The following CEP152 variants were observed in gnomAD, a reference collection of about 807,000 sequenced individuals.
The protein encoded by CEP152 is centrosomal protein 152.
A neutral mutation model predicts 188.9 loss-of-function variants in CEP152; 132 were observed. That is an observed-to-expected ratio of 0.70 (90% CI 0.61 to 0.81). CEP152 has a LOEUF of 0.81. Ranked by LOEUF, CEP152 falls within the 30% of genes least tolerant of loss-of-function variation. The pLI, the probability that CEP152 is intolerant of heterozygous loss-of-function variation, is 0.00. For missense variants in CEP152, 1,914 were observed against 1,969.8 expected (o/e 0.97, Z 0.54); for synonymous variants, 649 against 666.6 (o/e 0.97, Z 0.41).
At chr15:48,730,303 A>G (rs963158851) in intron 2 of CEP152, among the ~76,000 whole-genome samples, 1 of 152,206 alleles carries the variant, frequency 6.6e-6, no homozygotes, top group African/African-American at 2.4e-5. Context: ...TAAAAACAGT[A>G]AAGTTAGAGG....
At chr15:48,779,413 G>C (rs903204981) in intron 12 of CEP152, among the ~76,000 whole-genome samples, 1 of 152,216 alleles carries the variant, frequency 6.6e-6, no homozygotes, top group African/African-American at 2.4e-5. Flanking sequence ...CATTTACAAA[G>C]TATGTGTTGA....
At chr15:48,777,641 A>G (rs934163581) in intron 12 of CEP152, among the ~76,000 whole-genome samples, 1 of 152,066 alleles carries the variant, frequency 6.6e-6, no homozygotes, top group African/African-American at 2.4e-5. Flanking sequence ...CTGTCTATAT[A>G]CATAGATCTC....
chr15:48,774,214 A>G (rs1040568953), intron 12 of CEP152, among the ~76,000 whole-genome samples: 5 of 152,170 alleles, frequency 3.3e-5, no homozygotes, highest in African/African-American at 1.2e-4. Flanking sequence ...AAGATAAAAA[A>G]GACTAAAACA....
intron 19 of CEP152, among the ~76,000 whole-genome samples, chr15:48,757,296 C>A (rs1395880526): frequency 6.6e-6 from 1 of 152,128 alleles, no homozygotes; most frequent in African/African-American, 2.4e-5. Flanking sequence ...CTTCTTTGAG[C>A]CTCAATTTCC....
chr15:48,748,506 T>C lies in CEP152; in HGVS notation c.3571A>G (p.Lys1191Glu). The C allele has an allele frequency of 6.5e-7, 1 of 1,535,186 alleles. No homozygotes were observed. The highest frequency in any genetic ancestry group is 1.2e-5 in the South Asian group (1 of 83,912). Residue 1191 changes from lysine to glutamate, a missense_variant, in exon 22 of 27, where the codon AAA (lysine) becomes GAA (glutamate). Coordinates refer to ENST00000380950, the MANE Select transcript of CEP152 (RefSeq NM_001194998.2). ...AAATGCTGAAGATGCCTACAGCATTTCTCCAGTTTTCCTTTCAGATCTTGA... is the reference window on the plus strand; with the variant it reads ...AAATGCTGAAGATGCCTACAGCATTCCTCCAGTTTTCCTTTCAGATCTTGA... ...ECQDLKGKLEKCCRHLQHLER... is the reference protein window; with the variant it reads ...ECQDLKGKLEECCRHLQHLER...
chr15:48,729,854 A>T (rs941823138), intron 2 of CEP152: 9 of 152,110 alleles, frequency 5.9e-5, no homozygotes, highest in Non-Finnish European at 1.3e-4. Flanking sequence ...TCTACAGATT[A>T]TGAAGATTTT....
chr15:48,785,665 C>T (rs182343723), intron 9 of CEP152, among the ~76,000 whole-genome samples: 1 of 152,072 alleles, frequency 6.6e-6, no homozygotes, highest in East Asian at 1.9e-4. Context: ...ATGTAAAAAT[C>T]AATTAAACTA....
chr15:48,794,511 C>T (rs1443301488), intron 6 of CEP152, among the ~76,000 whole-genome samples: 3 of 152,168 alleles, frequency 2.0e-5, no homozygotes, highest in Admixed American at 6.5e-5. Flanking sequence ...CTAGCCCCAT[C>T]TCCAAATTTT....
At chr15:48,758,337 C>A (rs1427218218) in intron 19 of CEP152, among the ~76,000 whole-genome samples, 1 of 152,138 alleles carries the variant, frequency 6.6e-6, no homozygotes, top group Admixed American at 6.5e-5. Context: ...AACATGTTGA[C>A]ATTATTTTTT....
intron 8 of CEP152, chr15:48,789,264 G>A (rs561203214): frequency 2.2e-5 from 11 of 501,246 alleles, no homozygotes; most frequent in Admixed American, 6.5e-5. Flanking sequence ...AGGATTTTGC[G>A]CAGCATGATG....
At position 48,798,060 on chromosome 15, in the gene CEP152, A is replaced by G; in HGVS notation, c.88-9T>C. The G allele has an allele frequency of 6.2e-7, 1 of 1,609,174 alleles. No homozygotes were observed. Among genetic ancestry groups the G allele is most frequent in the Non-Finnish European group, 8.5e-7 (1 of 1,175,796 alleles). ...GTGAGTAACTGCTGCAACTGAGTCA[A>G]AAGGTCTGCATCAATATCATACCAA... On this transcript the variant is annotated splice_polypyrimidine_tract_variant and intron_variant, in intron 2 of 26. Transcript: ENST00000380950.
At chr15:48,793,278 C>G in intron 7 of CEP152, 43 bp downstream of exon 7, 1 of 1,609,330 alleles carries the variant, frequency 6.2e-7, no homozygotes, top group Non-Finnish European at 8.5e-7. Flanking sequence ...AACAAGATAT[C>G]TAACTCAGTG....
intron 14 of CEP152, 136 bp downstream of exon 14, chr15:48,768,820 G>A (rs971009974): frequency 6.2e-6 from 4 of 647,228 alleles, no homozygotes; most frequent in South Asian, 2.2e-5. Context: ...GGAAGTAACT[G>A]GAACTCATAA....
intron 12 of CEP152, among the ~76,000 whole-genome samples, chr15:48,773,885 A>G (rs1453957550): frequency 2.0e-5 from 3 of 152,324 alleles, no homozygotes; most frequent in African/African-American, 7.2e-5. Context: ...CTAGCATTCA[A>G]TCAAAATTTA....
intron 9 of CEP152, among the ~76,000 whole-genome samples, chr15:48,786,019 A>G (rs1388280782): frequency 6.6e-6 from 1 of 152,112 alleles, no homozygotes; most frequent in Non-Finnish European, 1.5e-5. Flanking sequence ...TGAGGACTGG[A>G]CCACACACAG....
chr15:48,762,737 A>T (rs1894780997), intron 17 of CEP152, 65 bp from the exon 18 acceptor site: 3 of 1,531,348 alleles, frequency 2.0e-6, no homozygotes, highest in African/African-American at 2.7e-5. Flanking sequence ...TAGAATTAAA[A>T]GCTAGCCAGA....
chr15:48,748,613 G>A lies in CEP152; in HGVS notation c.3467-3C>T. 2 of 1,445,390 alleles carry A rather than the reference G, an allele frequency of 1.4e-6. No individual in the cohort carries two copies. Among genetic ancestry groups the A allele is most frequent in the Admixed American group, 2.6e-5 (1 of 38,414 alleles). 89.5% of individuals were successfully genotyped at this position (1,445,390 alleles called of 1,614,324 possible). On this transcript the variant is annotated splice_region_variant and splice_polypyrimidine_tract_variant and intron_variant, in intron 21 of 26. Coordinates refer to ENST00000380950, the MANE Select transcript of CEP152 (RefSeq NM_001194998.2). ...AATTTCAAGGACCTTTTTCTTATCT[G>A]CAAAAATTAAATGACAGAAAACTTT...
Position 48,806,486 on chromosome 15 carries a change from G to C in CEP152, c.-7-830C>G, listed in dbSNP as rs570903509. 2.6e-5 allele frequency among the ~76,000 whole-genome samples: 4 copies of C among 151,890 alleles called. No homozygotes were observed. The South Asian group carries it at 6.2e-4, about 24-fold the overall frequency. On this transcript the variant is annotated intron_variant, in intron 1 of 26. Coordinates refer to ENST00000380950, the MANE Select transcript of CEP152 (RefSeq NM_001194998.2). The stretch of plus-strand genomic sequence containing the variant: ...ACAATCACAACAAAAAAGTAGGCAG[G>C]TGTCATCAATTACCTGGCCTAACAC...
In CEP152 at chr15:48,738,123, T is replaced by C. The variant is rs1314227524; in HGVS notation, c.*126A>G. 1 of 996,806 alleles carries C rather than the reference T, an allele frequency of 1.0e-6. No homozygotes were observed. Among genetic ancestry groups the C allele is most frequent in the Non-Finnish European group, 1.4e-6 (1 of 699,150 alleles). 61.7% of individuals were successfully genotyped at this position (996,806 alleles called of 1,614,324 possible). On this transcript the variant is annotated 3_prime_UTR_variant, in exon 27 of 27. Coordinates refer to ENST00000380950, the MANE Select transcript of CEP152 (RefSeq NM_001194998.2). The stretch of plus-strand genomic sequence containing the variant: ...CTCAAGCAATTTTAGAAGAATGCTT[T>C]ACTTATATAACAGATGTTATTAAAA...
Sources: allele counts gnomAD v4.1 joint callset (sites outside exome capture counted in the v4.1 genomes callset), GRCh38; gene constraint gnomAD v4.1.1; transcripts MANE v1.5; gene names NCBI Gene and HGNC (gene_info 2026-07-23, HGNC 2026-07-21).